The following LRRCC1 variants were observed in gnomAD, a reference collection of about 807,000 sequenced individuals.
LRRCC1 encodes leucine-rich repeat and coiled-coil domain-containing protein 1.
In LRRCC1, 115 loss-of-function variants were observed where a neutral mutation model predicts 126.0. The ratio of observed to expected loss-of-function variants is 0.91; its 90% CI spans 0.78 to 1.07. The LOEUF is 1.07. Among genes scored for constraint, LRRCC1 ranks in the 50% least tolerant of loss-of-function variants. The probability of loss-of-function intolerance (pLI) is 0.00; values close to 1 mark genes in which losing one functional copy is unlikely to be tolerated. For missense variants in LRRCC1, 1,172 were observed against 1,175.7 expected (o/e 1.00, Z 0.05); for synonymous variants, 400 against 393.4 (o/e 1.02, Z -0.20).
Position 85,145,539 on chromosome 8 carries a change from T to A in LRRCC1, c.*28T>A, listed in dbSNP as rs749466328. ...GTTCTGAGAATGAATTTAATTGAAA[T>A]AGACCAGCAGACCTATTGTAAAAAT... On this transcript the variant is annotated 3_prime_UTR_variant, in exon 19 of 19. Coordinates refer to ENST00000360375, the MANE Select transcript of LRRCC1 (RefSeq NM_033402.5). The A allele has an allele frequency of 6.4e-6, 10 of 1,554,304 alleles. No homozygotes were observed. In the East Asian group the frequency reaches 2.3e-4, roughly 37 times the overall value.
chr8:85,108,069 T>TCGA (rs1406564070), intron 1 of LRRCC1, among the ~76,000 whole-genome samples: 1 of 152,264 alleles, frequency 6.6e-6, no homozygotes. Context: ...GGCTCTTTAG[T>TCGA]CTCGACCCGT....
chr8:85,116,827 G>A (rs922271107), intron 6 of LRRCC1, among the ~76,000 whole-genome samples: 2 of 152,088 alleles, frequency 1.3e-5, no homozygotes, highest in African/African-American at 4.8e-5. Flanking sequence ...TAAACAAGAG[G>A]TCTGCCTTAG....
In LRRCC1 at chr8:85,115,108, G is replaced by A. The variant is rs1472373991; in HGVS notation, c.553G>A (p.Ala185Thr). 3 of 1,599,662 alleles carry A rather than the reference G, an allele frequency of 1.9e-6. No individual in the cohort carries two copies. The highest frequency in any genetic ancestry group is 2.7e-5 in the African/African-American group (2 of 73,586). ...NPVCRLPGYR[A>T]VILQTLPQLR... The stretch of plus-strand genomic sequence containing the variant: ...AATGATTTGTTTCCAAGGGTACAGA[G>A]CAGTTATTCTCCAGACTTTGCCACA... The change falls in exon 5 of 19, where the codon GCA becomes ACA. Residue 185 changes from alanine to threonine, a missense_variant. Physicochemically the swap from Ala to Thr is moderately conservative, Grantham distance 58 (BLOSUM62 0). Transcript: ENST00000360375.
chr8:85,119,312 A>G, intron 6 of LRRCC1, among the ~76,000 whole-genome samples: 1 of 152,036 alleles, frequency 6.6e-6, no homozygotes, highest in Non-Finnish European at 1.5e-5. Flanking sequence ...GATATTGGCA[A>G]TCTGTGTTTT....
chr8:85,123,361 A>T lies in LRRCC1; in HGVS notation c.931-52A>T. 3 of 1,194,132 alleles carry T rather than the reference A, an allele frequency of 2.5e-6. No individual in the cohort carries two copies. The South Asian group carries it at 4.1e-5, about 16-fold the overall frequency. 74.0% of individuals were successfully genotyped at this position (1,194,132 alleles called of 1,614,324 possible). A position where few individuals can be genotyped will look rare whatever the true frequency, so the allele number is the denominator to read the frequency against. ...ATATTTCAGAAGATTTCCAATTTCA[A>T]TCTTTTTTATACTGAACTTTTAACA... On this transcript the variant is annotated intron_variant, in intron 6 of 18. Coordinates refer to ENST00000360375, the MANE Select transcript of LRRCC1 (RefSeq NM_033402.5).
intron 9 of LRRCC1, among the ~76,000 whole-genome samples, chr8:85,127,154 C>T (rs766940423): frequency 6.6e-6 from 1 of 152,174 alleles, no homozygotes; most frequent in Non-Finnish European, 1.5e-5. Context: ...GCATTGGCAG[C>T]CTTTTTCTTT....
At chr8:85,124,613 C>T (rs1185364385) in intron 7 of LRRCC1, among the ~76,000 whole-genome samples, 179 bp from the exon 8 acceptor site, 3 of 152,122 alleles carry the variant, frequency 2.0e-5, no homozygotes, top group Middle Eastern at 3.2e-3. Context: ...TTAAGGCACT[C>T]ATTAATCAAC....
Position 85,109,639 on chromosome 8 carries a change from T to G in LRRCC1, c.149T>G (p.Leu50Arg). ...SLDSTLHAVNLHCNNISKIEA... is the reference protein window; with the variant it reads ...SLDSTLHAVNRHCNNISKIEA... ...GATTCAACTCTTCATGCCGTCAATC[T>G]TCATTGCAATAACATCTCCAAGATC... The change falls in exon 2 of 19, where the codon CTT becomes CGT. Residue 50 changes from leucine (L) to arginine (R), a missense_variant. Coordinates refer to ENST00000360375, the MANE Select transcript of LRRCC1 (RefSeq NM_033402.5). 1 of 1,611,482 alleles carries G rather than the reference T, an allele frequency of 6.2e-7. No individual in the cohort carries two copies. The highest frequency in any genetic ancestry group is 8.5e-7 in the Non-Finnish European group (1 of 1,178,148).
intron 14 of LRRCC1, 108 bp from the exon 15 acceptor site, chr8:85,137,356 C>A (rs1810944157): frequency 4.6e-6 from 3 of 645,650 alleles, no homozygotes; most frequent in Non-Finnish European, 6.9e-6. Context: ...AGCTATGTTT[C>A]TTTATTTAGT....
At chr8:85,111,246 A>T (rs974973239) in intron 3 of LRRCC1, among the ~76,000 whole-genome samples, 1 of 152,136 alleles carries the variant, frequency 6.6e-6, no homozygotes, top group South Asian at 2.1e-4. Flanking sequence ...ACATGGTGGC[A>T]CATGCCTGTA....
chr8:85,117,011 GTTTCATCT>G (rs1809176518), intron 6 of LRRCC1, among the ~76,000 whole-genome samples: 1 of 152,074 alleles, frequency 6.6e-6, no homozygotes, highest in African/African-American at 2.4e-5. Flanking sequence ...ATTTCCTCAG[GTTTCATCT>G]TTTCATCTTT....
chr8:85,119,191 T>A (rs1439956280), intron 6 of LRRCC1, among the ~76,000 whole-genome samples: 1 of 152,086 alleles, frequency 6.6e-6, no homozygotes, highest in Non-Finnish European at 1.5e-5. Flanking sequence ...GTAAGCTGTA[T>A]TTTTCAGTTA....
intron 18 of LRRCC1, among the ~76,000 whole-genome samples, chr8:85,143,123 G>A (rs902279029): frequency 1.3e-5 from 2 of 152,066 alleles, no homozygotes; most frequent in Non-Finnish European, 2.9e-5. Context: ...TTGGGAGTTC[G>A]AGACTAGCCT....
chr8:85,142,791 C>T (rs1319671578), intron 18 of LRRCC1, among the ~76,000 whole-genome samples: 2 of 144,054 alleles, frequency 1.4e-5, no homozygotes, highest in African/African-American at 2.6e-5. Flanking sequence ...GATTGTGTCA[C>T]GTTGCACTCT....
intron 8 of LRRCC1, among the ~76,000 whole-genome samples, chr8:85,125,968 T>G (rs1676431194): frequency 6.6e-6 from 1 of 152,104 alleles, no homozygotes; most frequent in Non-Finnish European, 1.5e-5. Context: ...GTGCCTGTGT[T>G]TCCCAAGTTA....
In LRRCC1 at chr8:85,107,350, G is replaced by C. The variant is rs746682817; in HGVS notation, c.55G>C (p.Gly19Arg). The change falls in exon 1 of 19, where the codon GGC (glycine) becomes CGC (arginine). Residue 19 changes from glycine to arginine, a missense_variant. Gly to Arg is a moderately radical substitution (Grantham distance 125). Transcript: ENST00000360375. ...AGAGGCGGAAGTGGAAAACGAAGACGGCGACAGCAGCTGCGGGGATGTATG... is the reference window on the plus strand; with the variant it reads ...AGAGGCGGAAGTGGAAAACGAAGACCGCGACAGCAGCTGCGGGGATGTATG... ...AAEAEVENEDGDSSCGDVCFM... is the reference protein window; with the variant it reads ...AAEAEVENEDRDSSCGDVCFM... The C allele has an allele frequency of 1.9e-6, 3 of 1,613,748 alleles. No homozygotes were observed. Among genetic ancestry groups the C allele is most frequent in the African/African-American group, 1.3e-5 (1 of 74,930 alleles).
Position 85,124,906 on chromosome 8 carries a change from A to G in LRRCC1, c.1239A>G (p.Val413=). 1.2e-6 allele frequency: 2 copies of G among 1,606,504 alleles called. No homozygotes were observed. The highest frequency in any genetic ancestry group is 1.7e-6 in the Non-Finnish European group (2 of 1,176,848). ...AGCCAAAGACTGAAATAATTAAAGT[A>G]GACCAAAGTCACTCAGAAGACAACA... ...SEKPKTEIIK[V]DQSHSEDNTY... is the part of the protein sequence containing the mutation. Residue 413 remains valine (V), a synonymous_variant, in exon 8 of 19, where the codon GTA becomes GTG. Coordinates refer to ENST00000360375, the MANE Select transcript of LRRCC1 (RefSeq NM_033402.5).
At chr8:85,116,922 A>T (rs1399023585) in intron 6 of LRRCC1, among the ~76,000 whole-genome samples, 1 of 152,194 alleles carries the variant, frequency 6.6e-6, no homozygotes. Flanking sequence ...GGAGATAGTA[A>T]TAGAAGTGAG....
At chr8:85,110,232 A>G (rs781760394) in intron 3 of LRRCC1, 52 bp downstream of exon 3, 3 of 739,344 alleles carry the variant, frequency 4.1e-6, no homozygotes, top group South Asian at 2.5e-5. Flanking sequence ...GCCACATGTG[A>G]TAAGTTAACA....
Sources: gnomAD v4.1 joint callset for allele counts (sites outside exome capture counted in the v4.1 genomes callset) on GRCh38, gnomAD v4.1.1 for gene constraint, MANE v1.5 for transcripts, NCBI Gene and HGNC (gene_info 2026-07-23, HGNC 2026-07-21) for gene names.